CLVS1: variants seen among roughly 807,000 people sequenced by gnomAD.
CLVS1 encodes clavesin-1.
In CLVS1, 10 loss-of-function variants were observed where a neutral mutation model predicts 33.1. The ratio of observed to expected loss-of-function variants is 0.30; its 90% CI spans 0.19 to 0.51. The LOEUF (loss-of-function observed/expected upper bound fraction) is 0.51. Among genes scored for constraint, CLVS1 ranks in the 20% least tolerant of loss-of-function variants. The pLI, the probability that CLVS1 is intolerant of heterozygous loss-of-function variation, is 0.97. For missense variants in CLVS1, 343 were observed against 433.4 expected (o/e 0.79, Z 1.85); for synonymous variants, 163 against 166.1 (o/e 0.98, Z 0.14).
chr8:61,333,002 C>A (rs187641854), intron 2 of CLVS1, among the ~76,000 whole-genome samples: 1 of 152,170 alleles, frequency 6.6e-6, no homozygotes, highest in Admixed American at 6.5e-5. Context: ...TATTTAGTTT[C>A]GTTCATATGT....
At chr8:61,075,850 C>T (rs1217483457) in intron 1 of CLVS1, among the ~76,000 whole-genome samples, 1 of 152,218 alleles carries the variant, frequency 6.6e-6, no homozygotes, top group Non-Finnish European at 1.5e-5. Context: ...ACATCCTATC[C>T]AGCCTCCTTC....
intron 2 of CLVS1, among the ~76,000 whole-genome samples, chr8:61,189,118 AG>A (rs777484441): frequency 6.6e-6 from 1 of 152,230 alleles, no homozygotes; most frequent in Admixed American, 6.6e-5. Flanking sequence ...AAGGGCAGCC[AG>A]AGAGAAAGGT....
intron 2 of CLVS1, among the ~76,000 whole-genome samples, chr8:61,191,925 C>G (rs940726122): frequency 3.9e-5 from 6 of 152,142 alleles, no homozygotes; most frequent in Non-Finnish European, 5.9e-5. Flanking sequence ...TAGGAAGAAT[C>G]AATATTGTGA....
intron 2 of CLVS1, among the ~76,000 whole-genome samples, chr8:61,133,889 T>C (rs1053713450): frequency 6.6e-6 from 1 of 151,998 alleles, no homozygotes; most frequent in African/African-American, 2.4e-5. Flanking sequence ...GAGCTCCAAA[T>C]TGGGTGACAG....
chr8:61,497,964 G>T (rs542894683), intron 5 of CLVS1, among the ~76,000 whole-genome samples: 15 of 152,252 alleles, frequency 9.9e-5, no homozygotes, highest in Non-Finnish European at 1.6e-4. Flanking sequence ...TCTCATCGCC[G>T]TCTTGGTTTC....
At chr8:61,256,550 C>G (rs1563465549) in intron 2 of CLVS1, among the ~76,000 whole-genome samples, 1 of 151,548 alleles carries the variant, frequency 6.6e-6, no homozygotes, top group African/African-American at 2.4e-5. Flanking sequence ...CAAAAGAAAA[C>G]AAAATATTAT....
intron 2 of CLVS1, among the ~76,000 whole-genome samples, chr8:61,193,865 A>T (rs958171140): frequency 9.9e-5 from 15 of 152,116 alleles, no homozygotes; most frequent in Non-Finnish European, 2.2e-4. Context: ...ATTGTGCTAA[A>T]CAATAGTATT....
intron 2 of CLVS1, among the ~76,000 whole-genome samples, chr8:61,361,560 T>C (rs1812981552): frequency 6.6e-6 from 1 of 152,182 alleles, no homozygotes; most frequent in South Asian, 2.1e-4. Context: ...TTAGGTCAAA[T>C]GGATGCAATA....
At chr8:61,098,673 A>G (rs1805396090) in intron 1 of CLVS1, among the ~76,000 whole-genome samples, 1 of 152,098 alleles carries the variant, frequency 6.6e-6, no homozygotes, top group Non-Finnish European at 1.5e-5. Flanking sequence ...AGGGACATAG[A>G]GGCACAGAGG....
chr8:60,976,032 A>G, the CLVS1 span, among the ~76,000 whole-genome samples: 1 of 152,190 alleles, frequency 6.6e-6, no homozygotes, highest in Admixed American at 6.5e-5. Flanking sequence ...TAATTTTGAA[A>G]ACTCGTTTTC....
At chr8:61,227,285 C>T (rs1027293668) in intron 2 of CLVS1, among the ~76,000 whole-genome samples, 3 of 140,458 alleles carry the variant, frequency 2.1e-5, no homozygotes, top group South Asian at 2.4e-4. Context: ...AAGGATTAGG[C>T]GAGAAATGCT....
intron 2 of CLVS1, among the ~76,000 whole-genome samples, chr8:61,189,489 C>T (rs1388843504): frequency 3.3e-5 from 5 of 152,176 alleles, no homozygotes; most frequent in East Asian, 1.9e-4. Context: ...AACCAGCTAA[C>T]ATCATAATGA....
chr8:61,421,023 C>T (rs1215000597), intron 3 of CLVS1, among the ~76,000 whole-genome samples: 1 of 152,100 alleles, frequency 6.6e-6, no homozygotes, highest in South Asian at 2.1e-4. Flanking sequence ...AAATATGCAA[C>T]TGAGTATGCA....
chr8:61,431,693 T>A (rs1563550615), intron 3 of CLVS1, among the ~76,000 whole-genome samples: 2 of 152,220 alleles, frequency 1.3e-5, no homozygotes, highest in East Asian at 3.8e-4. Flanking sequence ...ATAAGCTCCT[T>A]GAAGGCAGGG....
At chr8:61,323,755 C>A (rs776546894) in intron 2 of CLVS1, among the ~76,000 whole-genome samples, 3 of 152,034 alleles carry the variant, frequency 2.0e-5, no homozygotes, top group Non-Finnish European at 4.4e-5. Flanking sequence ...TTTCATCACC[C>A]AGGTATTAAG....
intron 3 of CLVS1, among the ~76,000 whole-genome samples, chr8:61,419,300 G>A (rs927814313): frequency 4.0e-5 from 6 of 151,212 alleles, no homozygotes; most frequent in African/African-American, 1.2e-4. Context: ...AGGAGGCTGC[G>A]GCAGGAGAAT....
chr8:61,320,566 CA>C, intron 2 of CLVS1, among the ~76,000 whole-genome samples: 1 of 152,264 alleles, frequency 6.6e-6, no homozygotes, highest in Admixed American at 6.5e-5. Flanking sequence ...ATCTAAACAA[CA>C]GAAATGTATT....
intron 2 of CLVS1, among the ~76,000 whole-genome samples, chr8:61,213,978 C>A (rs1808030300): frequency 6.6e-6 from 1 of 152,240 alleles, no homozygotes; most frequent in Middle Eastern, 3.4e-3. Context: ...TATAAATGCC[C>A]CCCCACTCAA....
chr8:61,400,747 T>C (rs1814716581), intron 3 of CLVS1, among the ~76,000 whole-genome samples: 1 of 152,174 alleles, frequency 6.6e-6, no homozygotes, highest in African/African-American at 2.4e-5. Context: ...CATGAAACGA[T>C]GTTGAATTTT....
Sources: gnomAD v4.1 joint callset for allele counts (sites outside exome capture counted in the v4.1 genomes callset) on GRCh38, gnomAD v4.1.1 for gene constraint, MANE v1.5 for transcripts, NCBI Gene and HGNC (gene_info 2026-07-23, HGNC 2026-07-21) for gene names.